ZDHHC7: variants seen among roughly 807,000 people sequenced by gnomAD.
ZDHHC7 encodes palmitoyltransferase ZDHHC7.
ZDHHC7 carries 12 observed loss-of-function variants against 34.1 expected under a neutral mutation model. That is an observed-to-expected ratio of 0.35 (90% CI 0.23 to 0.57). The LOEUF (loss-of-function observed/expected upper bound fraction) is 0.57, where lower values mean the gene tolerates loss of function less well. Among genes scored for constraint, ZDHHC7 ranks in the 20% least tolerant of loss-of-function variants. The probability of loss-of-function intolerance (pLI) is 0.84; values close to 1 mark genes in which losing one functional copy is unlikely to be tolerated. For synonymous variants in ZDHHC7, 185 were observed against 155.4 expected (o/e 1.19, Z -1.42); for missense variants, 388 against 402.7 (o/e 0.96, Z 0.31).
At chr16:84,979,084 G>A (rs1346581548) in intron 5 of ZDHHC7, 105 bp downstream of exon 5, 8 of 1,105,806 alleles carry the variant, frequency 7.2e-6, no homozygotes, top group Admixed American at 3.1e-5. Context: ...AGAAAAGGCT[G>A]GAGAGAAACT....
upstream of ZDHHC7, among the ~76,000 whole-genome samples, chr16:85,012,258 C>G (rs958528116): frequency 6.6e-6 from 1 of 151,788 alleles, no homozygotes; most frequent in Non-Finnish European, 1.5e-5. Flanking sequence ...TGGTGCACGC[C>G]TGTAATCCCA....
chr16:84,988,729 C>A, intron 3 of ZDHHC7: 1 of 1,544,074 alleles, frequency 6.5e-7, no homozygotes, highest in Non-Finnish European at 8.8e-7. Flanking sequence ...CCCAGCCAGG[C>A]TGACCCTCCC....
intron 3 of ZDHHC7, among the ~76,000 whole-genome samples, chr16:84,985,407 G>C (rs1184925643): frequency 6.6e-6 from 1 of 152,246 alleles, no homozygotes; most frequent in Non-Finnish European, 1.5e-5. Flanking sequence ...TAAGCGGCAG[G>C]TAAGAATGGG....
intron 1 of ZDHHC7, among the ~76,000 whole-genome samples, chr16:85,008,535 G>GTA (rs2072747840): frequency 6.6e-6 from 1 of 151,586 alleles, no homozygotes. Context: ...CTTGCAGTTG[G>GTA]TATCACAAGT....
chr16:84,986,238 A>C (rs770742090), intron 3 of ZDHHC7, among the ~76,000 whole-genome samples: 10 of 152,160 alleles, frequency 6.6e-5, no homozygotes, highest in Non-Finnish European at 1.5e-4. Context: ...CACATTTGGA[A>C]TTTCCCATAA....
upstream of ZDHHC7, among the ~76,000 whole-genome samples, chr16:85,012,652 C>G (rs555404270): frequency 6.6e-6 from 1 of 151,918 alleles, no homozygotes; most frequent in Non-Finnish European, 1.5e-5. Flanking sequence ...ATCTGTAATC[C>G]CAGCACTTGT....
the ZDHHC7 span, among the ~76,000 whole-genome samples, chr16:85,023,930 T>A: frequency 6.6e-6 from 1 of 152,138 alleles, no homozygotes; most frequent in Admixed American, 6.5e-5. Context: ...CAAAGTATTT[T>A]TTTTTGAGAC....
intron 1 of ZDHHC7, among the ~76,000 whole-genome samples, chr16:85,007,595 C>G (rs1299161709): frequency 6.6e-6 from 1 of 151,740 alleles, no homozygotes; most frequent in Non-Finnish European, 1.5e-5. Context: ...ACAAGCAGAC[C>G]AAAGCAGACA....
At position 84,976,223 on chromosome 16, in the gene ZDHHC7, G is replaced by A; in HGVS notation, c.*120C>T. ...ATATATAAAACTCTGCTTGCTGCAA[G>A]CAATTGGTTTGTGTAGGTTCCAGTT... On this transcript the variant is annotated 3_prime_UTR_variant, in exon 8 of 8. Coordinates refer to ENST00000313732, the MANE Select transcript of ZDHHC7 (RefSeq NM_017740.3). The A allele has an allele frequency of 7.9e-7, 1 of 1,267,788 alleles. No individual in the cohort carries two copies. Among genetic ancestry groups the A allele is most frequent in the Non-Finnish European group, 1.1e-6 (1 of 904,630 alleles). 78.5% of individuals were successfully genotyped at this position (1,267,788 alleles called of 1,614,324 possible). A position where few individuals can be genotyped will look rare whatever the true frequency, so the allele number is the denominator to read the frequency against.
intron 2 of ZDHHC7, among the ~76,000 whole-genome samples, chr16:84,994,543 C>CACA (rs1302949999): frequency 1.3e-5 from 2 of 152,206 alleles, no homozygotes; most frequent in African/African-American, 2.4e-5. Context: ...CTTCTAAAGG[C>CACA]ACACATGTGA....
chr16:84,995,428 C>A (rs930122763), intron 2 of ZDHHC7, among the ~76,000 whole-genome samples: 3 of 152,188 alleles, frequency 2.0e-5, no homozygotes, highest in Non-Finnish European at 2.9e-5. Context: ...GAGTTCAAGA[C>A]CAGCCTGGCC....
chr16:85,008,209 G>C lies in ZDHHC7; in HGVS notation c.-104+3077C>G, dbSNP rs573811359. Among the ~76,000 whole-genome samples the C allele has an allele frequency of 3.9e-5, 6 of 152,170 alleles. No homozygotes were observed. The South Asian group carries it at 1.2e-3, about 32-fold the overall frequency. On this transcript the variant is annotated intron_variant, in intron 1 of 7. Transcript: ENST00000313732. ...AGCTAACAATATGATGTAGGGTGAG[G>C]GGGGAGCTCTTCGTCACAGGGTATC...
Position 84,976,142 on chromosome 16 carries a change from C to T in ZDHHC7, c.*201G>A, listed in dbSNP as rs1340159732. Reference sequence around the variant, plus strand: ...CTTCTTCGTGTGGCCACACACCTTTCCGTTGTTGTACAGGTGGGGACTGAG... The same window carrying T: ...CTTCTTCGTGTGGCCACACACCTTTTCGTTGTTGTACAGGTGGGGACTGAG... On this transcript the variant is annotated 3_prime_UTR_variant, in exon 8 of 8. Transcript: ENST00000313732. 6 of 660,564 alleles carry T rather than the reference C, an allele frequency of 9.1e-6. No individual in the cohort carries two copies. Among genetic ancestry groups the T allele is most frequent in the Non-Finnish European group, 1.5e-5 (6 of 404,622 alleles). The allele number at this position is 660,564 out of a possible 1,614,324, so 40.9% of individuals were successfully genotyped here. A position where few individuals can be genotyped will look rare whatever the true frequency, so the allele number is the denominator to read the frequency against.
chr16:84,990,547 G>C lies in ZDHHC7; in HGVS notation c.72C>G (p.Asp24Glu), dbSNP rs901316827. Residue 24 changes from aspartate (D) to glutamate (E), a missense_variant, in exon 3 of 8, where the codon GAC becomes GAG. Transcript: ENST00000313732. ...CCTCGGAGGAGGAGGACGATGAAGA[G>C]TCATAGTTGTCATTTTCAGCCAGGA... ...HPLLAENDNYDSSSSSSSEAD... is the reference protein window; with the variant it reads ...HPLLAENDNYESSSSSSSEAD... The C allele has an allele frequency of 1.2e-6, 2 of 1,614,056 alleles. No individual in the cohort carries two copies. Among genetic ancestry groups the C allele is most frequent in the African/African-American group, 2.7e-5 (2 of 74,920 alleles).
the ZDHHC7 span, among the ~76,000 whole-genome samples, chr16:85,023,739 C>T: frequency 1.3e-5 from 2 of 152,120 alleles, no homozygotes; most frequent in African/African-American, 4.8e-5. Flanking sequence ...TAACCTCAGG[C>T]TTCCAAGTAG....
At chr16:84,998,150 G>A (rs889391628) in intron 1 of ZDHHC7, among the ~76,000 whole-genome samples, 2 of 151,142 alleles carry the variant, frequency 1.3e-5, no homozygotes, top group African/African-American at 4.9e-5. Context: ...TGCAGTCCCA[G>A]CTACTCGGGA....
At chr16:84,995,364 G>A (rs527506253) in intron 2 of ZDHHC7, among the ~76,000 whole-genome samples, 82 of 152,314 alleles carry the variant, frequency 5.4e-4, no homozygotes, top group Middle Eastern at 3.4e-3. Context: ...AGTGGCTCAC[G>A]CCTGTAATCC....
intron 3 of ZDHHC7, among the ~76,000 whole-genome samples, chr16:84,983,897 G>A (rs1304859909): frequency 6.6e-6 from 1 of 151,238 alleles, no homozygotes; most frequent in Non-Finnish European, 1.5e-5. Flanking sequence ...AGCTACTCGG[G>A]AGGGTGAGGC....
chr16:85,012,778 G>A (rs1028445290), upstream of ZDHHC7, among the ~76,000 whole-genome samples: 4 of 151,862 alleles, frequency 2.6e-5, no homozygotes, highest in African/African-American at 4.8e-5. Context: ...AGTTTTGGGC[G>A]CCTGTAATCT....
Sources: allele counts gnomAD v4.1 joint callset (sites outside exome capture counted in the v4.1 genomes callset), GRCh38; gene constraint gnomAD v4.1.1; transcripts MANE v1.5; gene names NCBI Gene and HGNC (gene_info 2026-07-23, HGNC 2026-07-21).